The following DACH2 variants were observed in gnomAD, a reference collection of about 807,000 sequenced individuals.
DACH2 encodes dachshund family transcription factor 2, also known as dachshund homolog 2.
Under a neutral mutation model 35.8 loss-of-function variants are expected in DACH2, and 17 were observed. That is an observed-to-expected ratio of 0.48 (90% CI 0.33 to 0.71). DACH2 has a LOEUF of 0.71. DACH2 is among the 30% of genes least tolerant of loss of function. The probability of loss-of-function intolerance (pLI) is 0.02; values close to 1 mark genes in which losing one functional copy is unlikely to be tolerated. For missense variants in DACH2, 469 were observed against 472.7 expected (o/e 0.99, Z 0.07); for synonymous variants, 195 against 177.3 (o/e 1.10, Z -0.79).
At chrX:86,309,696 G>A (rs1437903259) in intron 1 of DACH2, among the ~76,000 whole-genome samples, 1 of 112,101 alleles carries the variant, frequency 8.9e-6, no homozygotes, top group African/African-American at 3.2e-5. Flanking sequence ...GTGGTTTGGG[G>A]CCTGTTGAGA....
chrX:86,711,010 G>A (rs2041271749), intron 5 of DACH2, among the ~76,000 whole-genome samples: 1 of 112,057 alleles, frequency 8.9e-6, no homozygotes, highest in African/African-American at 3.2e-5. Context: ...ACCTTTCATG[G>A]CTAGAAGGAG....
At chrX:86,743,532 A>G (rs780377948) in intron 7 of DACH2, among the ~76,000 whole-genome samples, 4 of 111,718 alleles carry the variant, frequency 3.6e-5, no homozygotes, top group African/African-American at 9.7e-5. Flanking sequence ...TTTTCTATTT[A>G]CTAAAGGTGC....
chrX:86,220,445 G>A (rs1307711990), intron 1 of DACH2, among the ~76,000 whole-genome samples: 1 of 111,126 alleles, frequency 9.0e-6, no homozygotes, highest in Non-Finnish European at 1.9e-5. Context: ...TTCTGTTTTA[G>A]GTACCTCATA....
chrX:86,242,623 T>C (rs1407347348), intron 1 of DACH2, among the ~76,000 whole-genome samples: 1 of 111,336 alleles, frequency 9.0e-6, no homozygotes, highest in Non-Finnish European at 1.9e-5. Flanking sequence ...TGGTTTTGAA[T>C]TGTGAGAAGG....
rs748682325 is a variant in DACH2 at position 86,317,039 on chromosome X, C to T, written c.489-59785C>T. On this transcript the variant is annotated intron_variant, in intron 1 of 11. Coordinates refer to ENST00000373125, the MANE Select transcript of DACH2 (RefSeq NM_053281.3). ...AGGCTGAGGCAAATAACTGCTTGAA[C>T]CCGGGAGGCAGAGGTTGCAGTGAGC... Among the ~76,000 whole-genome samples the T allele has an allele frequency of 2.3e-4, 25 of 107,223 alleles. No homozygotes were observed. The South Asian group carries it at 7.4e-3, about 32-fold the overall frequency. 93.1% of individuals were successfully genotyped at this position (107,223 alleles called of 115,157 possible). A position where few individuals can be genotyped will look rare whatever the true frequency, so the allele number is the denominator to read the frequency against.
intron 11 of DACH2, among the ~76,000 whole-genome samples, chrX:86,823,624 C>G: frequency 8.9e-6 from 1 of 111,893 alleles, no homozygotes; most frequent in East Asian, 2.8e-4. Flanking sequence ...CTTTCACTAT[C>G]AGGGGAACCC....
intron 7 of DACH2, among the ~76,000 whole-genome samples, chrX:86,757,828 C>A (rs1471317074): frequency 8.9e-6 from 1 of 112,086 alleles, no homozygotes; most frequent in Non-Finnish European, 1.9e-5. Flanking sequence ...TCCTGTACAG[C>A]CTGCAGAACC....
chrX:86,532,339 A>G (rs1332872585), intron 3 of DACH2, among the ~76,000 whole-genome samples: 1 of 111,495 alleles, frequency 9.0e-6, no homozygotes, highest in African/African-American at 3.3e-5. Context: ...TGTCTCCAGC[A>G]AAGTGTCATC....
chrX:86,828,328 T>C (rs1211304912), intron 11 of DACH2: 5 of 112,079 alleles, frequency 4.5e-5, no homozygotes, highest in East Asian at 2.8e-4. Context: ...TGGCCTGTAG[T>C]GTTCTCTAAG....
intron 2 of DACH2, among the ~76,000 whole-genome samples, chrX:86,402,904 T>G (rs1429448153): frequency 9.0e-6 from 1 of 111,731 alleles, no homozygotes; most frequent in Non-Finnish European, 1.9e-5. Flanking sequence ...TCTGATCTTT[T>G]TAAGGCTGAC....
intron 3 of DACH2, among the ~76,000 whole-genome samples, chrX:86,548,376 TCTA>T (rs1033638656): frequency 2.7e-5 from 3 of 112,110 alleles, no homozygotes; most frequent in Non-Finnish European, 5.6e-5. Context: ...AAATTTTACT[TCTA>T]CTAAATTTTT....
intron 2 of DACH2, among the ~76,000 whole-genome samples, chrX:86,424,677 C>A (rs985185387): frequency 6.3e-5 from 7 of 111,303 alleles, no homozygotes; most frequent in African/African-American, 2.3e-4. Flanking sequence ...TTATATCTTT[C>A]TCTTGTATGA....
At chrX:86,485,038 A>G (rs1029609911) in intron 2 of DACH2, among the ~76,000 whole-genome samples, 2 of 111,922 alleles carry the variant, frequency 1.8e-5, no homozygotes, top group Non-Finnish European at 3.8e-5. Flanking sequence ...GTATAAATGT[A>G]GCTCTGCATG....
intron 1 of DACH2, among the ~76,000 whole-genome samples, chrX:86,330,657 A>G (rs1209340346): frequency 8.9e-6 from 1 of 111,987 alleles, no homozygotes; most frequent in Non-Finnish European, 1.9e-5. Flanking sequence ...ATATAATTAA[A>G]TGGTGTTAAT....
chrX:86,291,799 T>A (rs1405743577), intron 1 of DACH2, among the ~76,000 whole-genome samples: 3 of 57,866 alleles, frequency 5.2e-5, no homozygotes, highest in South Asian at 2.5e-3. Context: ...TGGATAAGCT[T>A]TTTGATGTGC....
intron 1 of DACH2, among the ~76,000 whole-genome samples, chrX:86,299,424 C>A (rs779349111): frequency 3.6e-5 from 4 of 111,872 alleles, no homozygotes; most frequent in African/African-American, 1.3e-4. Flanking sequence ...TTCAGCTTAG[C>A]AGTGATTCTG....
At chrX:86,206,685 A>G (rs1479236635) in intron 1 of DACH2, among the ~76,000 whole-genome samples, 1 of 111,888 alleles carries the variant, frequency 8.9e-6, no homozygotes. Context: ...CTCTTTCCTC[A>G]TCTGTAAATG....
intron 1 of DACH2, among the ~76,000 whole-genome samples, chrX:86,256,456 C>G (rs2033521203): frequency 9.0e-6 from 1 of 111,170 alleles, no homozygotes; most frequent in Non-Finnish European, 1.9e-5. Flanking sequence ...TTGGGTACTC[C>G]CAGAGGCCTC....
chrX:86,425,330 C>CTT (rs996261704), intron 2 of DACH2, among the ~76,000 whole-genome samples: 1 of 110,620 alleles, frequency 9.0e-6, no homozygotes, highest in Admixed American at 9.6e-5. Context: ...TACTAGAAGA[C>CTT]TTTTTATTAT....
Sources: gnomAD v4.1 joint callset for allele counts (sites outside exome capture counted in the v4.1 genomes callset) on GRCh38, gnomAD v4.1.1 for gene constraint, MANE v1.5 for transcripts, NCBI Gene and HGNC (gene_info 2026-07-23, HGNC 2026-07-21) for gene names.